The following FRMPD4 variants were observed in gnomAD, a reference collection of about 807,000 sequenced individuals.
FRMPD4 encodes FERM and PDZ domain containing 4.
Under a neutral mutation model 94.1 loss-of-function variants are expected in FRMPD4, and 22 were observed. That is an observed-to-expected ratio of 0.23 (90% confidence interval 0.17 to 0.33). The LOEUF is 0.33. FRMPD4 is among the 10% of genes least tolerant of loss of function. The probability of loss-of-function intolerance (pLI) is 1.00; values close to 1 mark genes in which losing one functional copy is unlikely to be tolerated. For missense variants in FRMPD4, 1,111 were observed against 1,339.9 expected (o/e 0.83, Z 2.67); for synonymous variants, 631 against 548.6 (o/e 1.15, Z -2.10).
In FRMPD4 at chrX:12,710,636, G is replaced by A. The variant is rs959874976; in HGVS notation, c.1609+99G>A. 20 of 797,076 alleles carry A rather than the reference G, an allele frequency of 2.5e-5. No homozygotes were observed. In the East Asian group the frequency reaches 3.4e-4, roughly 14 times the overall value. 65.7% of individuals were successfully genotyped at this position (797,076 alleles called of 1,213,427 possible). A position where few individuals can be genotyped will look rare whatever the true frequency, so the allele number is the denominator to read the frequency against. ...TTTCTGAAAAGTTAAGGCCAGGCGCGGTGGCTCACGCCTGTAATCCTGGCA... is the reference window on the plus strand; with the variant it reads ...TTTCTGAAAAGTTAAGGCCAGGCGCAGTGGCTCACGCCTGTAATCCTGGCA... On this transcript the variant is annotated intron_variant, in intron 14 of 16. Coordinates refer to ENST00000675598, the MANE Select transcript of FRMPD4 (RefSeq NM_001368397.1).
intron 3 of FRMPD4, among the ~76,000 whole-genome samples, chrX:12,126,816 T>G (rs147538929): frequency 0.031 from 3,424 of 111,756 alleles, 62 homozygotes; most frequent in African/African-American, 0.061. Flanking sequence ...CCAGCCCTAG[T>G]TTGCATCATC....
intron 3 of FRMPD4, among the ~76,000 whole-genome samples, chrX:11,978,482 C>T (rs185728313): frequency 1.7e-4 from 19 of 110,635 alleles, no homozygotes; most frequent in Non-Finnish European, 2.8e-4. Context: ...TAGGGCATTT[C>T]GCCTGATTAA....
At chrX:12,034,466 A>G (rs1451277469) in intron 3 of FRMPD4, among the ~76,000 whole-genome samples, 2 of 112,002 alleles carry the variant, frequency 1.8e-5, no homozygotes, top group Non-Finnish European at 3.8e-5. Flanking sequence ...GCCCCAATAT[A>G]TCTAGCTATT....
At chrX:12,273,598 C>T (rs1490291012) in intron 1 of FRMPD4, among the ~76,000 whole-genome samples, 1 of 112,258 alleles carries the variant, frequency 8.9e-6, no homozygotes, top group East Asian at 2.8e-4. Context: ...TTTCTAGAAG[C>T]TTCTGGTTCC....
At chrX:11,920,247 T>C (rs757536961) in intron 3 of FRMPD4, among the ~76,000 whole-genome samples, 52 of 112,458 alleles carry the variant, frequency 4.6e-4, no homozygotes, top group Non-Finnish European at 8.3e-4. Flanking sequence ...TTAATCACAA[T>C]CGATGATTAA....
At chrX:11,848,847 A>C (rs748720564) in intron 1 of FRMPD4, among the ~76,000 whole-genome samples, 1 of 111,916 alleles carries the variant, frequency 8.9e-6, no homozygotes, top group Admixed American at 9.6e-5. Context: ...TATAGCTGAC[A>C]TCATACTCAA....
In FRMPD4 at chrX:12,498,749, T is replaced by C; in HGVS notation, c.111T>C (p.Tyr37=). ...GGGGCTTGAGCCAGGTGCCGCCCTA[T>C]GGATGGGAGATGACGGCAAACCGAG... is the stretch of plus-strand genomic sequence containing the variant. The part of the protein sequence containing the change: ...GTWGLSQVPP[Y]GWEMTANRDG... The change falls in exon 2 of 17, where the codon TAT becomes TAC. Residue 37 remains tyrosine (Y), a synonymous_variant. Coordinates refer to ENST00000675598, the MANE Select transcript of FRMPD4 (RefSeq NM_001368397.1). The C allele has an allele frequency of 1.7e-6, 2 of 1,196,846 alleles. No individual in the cohort carries two copies. Among genetic ancestry groups the C allele is most frequent in the Non-Finnish European group, 2.3e-6 (2 of 884,058 alleles).
At chrX:11,996,119 GA>G (rs890604973) in intron 3 of FRMPD4, among the ~76,000 whole-genome samples, 36 of 108,445 alleles carry the variant, frequency 3.3e-4, no homozygotes, top group Non-Finnish European at 5.6e-4. Context: ...TTTATAAAAA[GA>G]AAAAAAAATA....
intron 3 of FRMPD4, among the ~76,000 whole-genome samples, chrX:12,002,793 T>C (rs1186357056): frequency 9.0e-6 from 1 of 111,502 alleles, no homozygotes; most frequent in Non-Finnish European, 1.9e-5. Flanking sequence ...GCGTTGGAGG[T>C]GCAAGGCTGA....
chrX:12,528,146 G>A (rs2058244672), intron 2 of FRMPD4, among the ~76,000 whole-genome samples: 1 of 111,102 alleles, frequency 9.0e-6, no homozygotes, highest in African/African-American at 3.3e-5. Flanking sequence ...TGTTCAGTGT[G>A]TGCCAGACAC....
chrX:12,058,632 A>G (rs776893982), intron 3 of FRMPD4, among the ~76,000 whole-genome samples: 1 of 111,554 alleles, frequency 9.0e-6, no homozygotes, highest in South Asian at 3.7e-4. Context: ...AGGTGATGAA[A>G]CTAAAATATC....
intron 4 of FRMPD4, among the ~76,000 whole-genome samples, chrX:12,640,815 G>A (rs2059492847): frequency 8.9e-6 from 1 of 111,732 alleles, no homozygotes; most frequent in African/African-American, 3.3e-5. Context: ...AGCTTTTCAA[G>A]TAAGCTGGGT....
chrX:12,704,394 C>T lies in FRMPD4; in HGVS notation c.1106C>T (p.Ala369Val). ...EWGLETFLPS[A>V]VLQSMKEKNI... The stretch of plus-strand genomic sequence containing the variant: ...GGATTAGAGACTTTTCTTCCCTCTG[C>T]TGTGCTGCAAAGCATGAAAGAGAAG... Residue 369 changes from alanine (A) to valine (V), a missense_variant, in exon 11 of 17, where the codon GCT (alanine) becomes GTT (valine). Physicochemically the swap from Ala to Val is moderately conservative, Grantham distance 64. This residue lies in a region of FRMPD4 where 111 missense variants were observed against 160.7 expected (regional missense o/e 0.69). Coordinates refer to ENST00000675598, the MANE Select transcript of FRMPD4 (RefSeq NM_001368397.1). The T allele has an allele frequency of 1.7e-6, 2 of 1,181,865 alleles. No individual in the cohort carries two copies. The highest frequency in any genetic ancestry group is 3.0e-5 in the East Asian group (1 of 33,441).
At chrX:11,956,837 G>GGTCC (rs1387281324) in intron 3 of FRMPD4, among the ~76,000 whole-genome samples, 1 of 112,092 alleles carries the variant, frequency 8.9e-6, no homozygotes, top group Non-Finnish European at 1.9e-5. Context: ...TCCAGGATCT[G>GGTCC]GTCCGCAGGT....
chrX:12,148,816 T>C (rs764710244), intron 1 of FRMPD4, among the ~76,000 whole-genome samples: 7 of 112,234 alleles, frequency 6.2e-5, no homozygotes, highest in Middle Eastern at 4.6e-3. Flanking sequence ...TCTAGAGCCC[T>C]TAAGAATTAT....
rs1192406624 is a variant in FRMPD4, at chrX:12,716,226, A to C, written c.1767A>C (p.Pro589=). The C allele has an allele frequency of 1.7e-6, 2 of 1,208,678 alleles. No individual in the cohort carries two copies. The highest frequency in any genetic ancestry group is 1.1e-6 in the Non-Finnish European group (1 of 894,222). Residue 589 remains proline (P), a synonymous_variant, in exon 15 of 17, where the codon CCA becomes CCC. Transcript: ENST00000675598. ...TVEITDSTMC[P]KEHRHLYIDN... is the part of the protein sequence containing the mutation. ...AGATCACAGACAGCACCATGTGTCCAAAAGAGCACCGGCACTTGTACATAG... is the reference window on the plus strand; with the variant it reads ...AGATCACAGACAGCACCATGTGTCCCAAAGAGCACCGGCACTTGTACATAG...
intron 4 of FRMPD4, among the ~76,000 whole-genome samples, chrX:12,625,795 T>A (rs190238991): frequency 2.1e-4 from 23 of 111,976 alleles, no homozygotes; most frequent in African/African-American, 7.1e-4. Context: ...ATTACTCAAG[T>A]GTTCCCAGTA....
At chrX:11,929,130 A>G (rs1292159767) in intron 3 of FRMPD4, among the ~76,000 whole-genome samples, 3 of 112,122 alleles carry the variant, frequency 2.7e-5, no homozygotes, top group South Asian at 3.8e-4. Flanking sequence ...GAAGGAGAGG[A>G]TCAGGAAAAA....
intron 3 of FRMPD4, among the ~76,000 whole-genome samples, chrX:12,077,503 G>A (rs1601921818): frequency 9.0e-6 from 1 of 111,460 alleles, no homozygotes; most frequent in Non-Finnish European, 1.9e-5. Flanking sequence ...GATGAAACTC[G>A]TGCACCAGGG....
Sources: gnomAD v4.1 joint callset for allele counts (sites outside exome capture counted in the v4.1 genomes callset) on GRCh38, gnomAD v4.1.1 for gene constraint, gnomAD v4.1.1 regional missense constraint, MANE v1.5 for transcripts, NCBI Gene and HGNC (gene_info 2026-07-23, HGNC 2026-07-21) for gene names.